Variants in NUDT13 observed in about 807,000 individuals in gnomAD.
NUDT13 encodes the protein NAD(P)H pyrophosphatase NUDT13, mitochondrial.
Under a neutral mutation model 41.7 loss-of-function variants are expected in NUDT13, and 40 were observed. The ratio of observed to expected loss-of-function variants is 0.96; its 90% CI spans 0.75 to 1.25. The LOEUF (loss-of-function observed/expected upper bound fraction) is 1.25. NUDT13 is among the 50% of genes most tolerant of loss of function. The pLI is 0.00. For synonymous variants in NUDT13, 145 were observed against 155.5 expected (o/e 0.93, Z 0.50); for missense variants, 390 against 416.1 (o/e 0.94, Z 0.55).
rs527257812 is a variant in NUDT13, at chr10:73,120,060, A to T, written c.126A>T (p.Lys42Asn). ...ELKEDDDACKKAQQTGAFYLF... is the reference protein window; with the variant it reads ...ELKEDDDACKNAQQTGAFYLF... Reference sequence around the variant, plus strand: ...AGGAAGATGATGATGCATGTAAAAAAGCCCAGCAAACAGGAGCGTTTTACC... The same window carrying T: ...AGGAAGATGATGATGCATGTAAAAATGCCCAGCAAACAGGAGCGTTTTACC... The change falls in exon 3 of 9, where the codon AAA becomes AAT. Residue 42 changes from lysine to asparagine, a missense_variant. By Grantham distance (94) the Lys-to-Asn change is moderately conservative. Coordinates refer to ENST00000357321, the MANE Select transcript of NUDT13 (RefSeq NM_015901.6). The T allele has an allele frequency of 1.9e-6, 3 of 1,614,210 alleles. No individual in the cohort carries two copies. In the African/African-American group the frequency reaches 4.0e-5, roughly 22 times the overall value.
intron 2 of NUDT13, 136 bp from the exon 3 acceptor site, chr10:73,119,882 A>G (rs3750734): frequency 0.11 from 99,960 of 938,646 alleles, 9,017 homozygotes; most frequent in African/African-American, 0.34. Flanking sequence ...CCCTTTTTGG[A>G]GCAAATTAGG....
chr10:73,116,764 A>T (rs1467838162), intron 2 of NUDT13, among the ~76,000 whole-genome samples: 1 of 152,114 alleles, frequency 6.6e-6, no homozygotes, highest in East Asian at 1.9e-4. Context: ...TTAGAAGCAC[A>T]TAAGCATATA....
Position 73,114,349 on chromosome 10 carries a change from T to G in NUDT13, c.-9-8T>G, listed in dbSNP as rs755893690. 3 of 1,455,336 alleles carry G rather than the reference T, an allele frequency of 2.1e-6. No individual in the cohort carries two copies. Among genetic ancestry groups the G allele is most frequent in the Non-Finnish European group, 2.8e-6 (3 of 1,070,358 alleles). 90.2% of individuals were successfully genotyped at this position (1,455,336 alleles called of 1,614,324 possible). A position where few individuals can be genotyped will look rare whatever the true frequency, so the allele number is the denominator to read the frequency against. On this transcript the variant is annotated splice_region_variant and splice_polypyrimidine_tract_variant and intron_variant, in intron 1 of 8. Transcript: ENST00000357321. ...CTTTTTTTAAAACTCCTTTTTTTTTTTTTTAAGGACCTGACAATGTCCCTG... is the reference window on the plus strand; with the variant it reads ...CTTTTTTTAAAACTCCTTTTTTTTTGTTTTAAGGACCTGACAATGTCCCTG...
rs1190476077 is a variant in NUDT13, at chr10:73,131,204, T to G, written c.*301T>G. ...TTGTTCAGTCATTTTCTCTAAGGCC[T>G]TGGAAGCAAACATCTTCTGGCATAT... On this transcript the variant is annotated 3_prime_UTR_variant, in exon 9 of 9. Transcript: ENST00000357321. 2 of 271,968 alleles carry G rather than the reference T, an allele frequency of 7.4e-6. No homozygotes were observed. Among genetic ancestry groups the G allele is most frequent in the East Asian group, 1.4e-4 (2 of 14,098 alleles). 16.8% of individuals were successfully genotyped at this position (271,968 alleles called of 1,614,324 possible).
Position 73,127,617 on chromosome 10 carries a change from T to C in NUDT13, c.858+790T>C, listed in dbSNP as rs998974335. Reference sequence around the variant, plus strand: ...TCCTGGGTTCAAGTGATTCTCCTGCTTCAGCAGAGAAGTATATACCCTTGA... The same window carrying C: ...TCCTGGGTTCAAGTGATTCTCCTGCCTCAGCAGAGAAGTATATACCCTTGA... On this transcript the variant is annotated intron_variant, in intron 8 of 8. Transcript: ENST00000357321. Among the ~76,000 whole-genome samples, 5 of 151,474 alleles carry C rather than the reference T, an allele frequency of 3.3e-5. No individual in the cohort carries two copies. The East Asian group carries it at 9.9e-4, about 30-fold the overall frequency.
chr10:73,130,573 C>T (rs1235780200), intron 8 of NUDT13, 130 bp from the exon 9 acceptor site: 43 of 728,834 alleles, frequency 5.9e-5, no homozygotes, highest in Admixed American at 1.7e-4. Context: ...TGACTTTCAC[C>T]TAACCTGAAG....
At chr10:73,125,654 TA>T in intron 7 of NUDT13, 145 bp downstream of exon 7, 1 of 108,056 alleles carries the variant, frequency 9.3e-6, no homozygotes, top group Non-Finnish European at 1.5e-5. Flanking sequence ...TGGCATTTTA[TA>T]TATATATATA....
At chr10:73,111,891 T>C (rs540661708) in intron 1 of NUDT13, among the ~76,000 whole-genome samples, 2 of 152,334 alleles carry the variant, frequency 1.3e-5, no homozygotes, top group East Asian at 3.9e-4. Flanking sequence ...ATTAGGCTTT[T>C]CTTTTGTCTT....
intron 7 of NUDT13, 72 bp downstream of exon 7, chr10:73,125,581 T>C (rs1842752560): frequency 9.5e-7 from 1 of 1,049,962 alleles, no homozygotes; most frequent in South Asian, 1.5e-5. Flanking sequence ...TTCTCTGTCT[T>C]GTTGCTATAG....
chr10:73,114,547 T>C, intron 2 of NUDT13, 99 bp downstream of exon 2: 1 of 342,034 alleles, frequency 2.9e-6, no homozygotes, highest in Non-Finnish European at 5.2e-6. Flanking sequence ...ATGATTATTA[T>C]ATATACATTA....
chr10:73,124,208 T>C lies in NUDT13; in HGVS notation c.359-6T>C. 2 of 1,591,406 alleles carry C rather than the reference T, an allele frequency of 1.3e-6. No individual in the cohort carries two copies. The highest frequency in any genetic ancestry group is 2.7e-5 in the African/African-American group (2 of 74,678). On this transcript the variant is annotated splice_region_variant and splice_polypyrimidine_tract_variant and intron_variant, in intron 4 of 8. Transcript: ENST00000357321. ...TTTAATTTCATTATCTTTTCTAATT[T>C]TCTAGCCTCCTTACACAAACCTGAA...
At chr10:73,126,502 A>C (rs1842784038) in intron 7 of NUDT13, 171 bp from the exon 8 acceptor site, 2 of 625,128 alleles carry the variant, frequency 3.2e-6, no homozygotes, top group Admixed American at 6.3e-5. Flanking sequence ...GTGGTTCAAC[A>C]CACAGCTCTG....
intron 1 of NUDT13, among the ~76,000 whole-genome samples, chr10:73,111,141 C>A (rs1842356466): frequency 6.6e-6 from 1 of 152,072 alleles, no homozygotes; most frequent in Non-Finnish European, 1.5e-5. Flanking sequence ...CACGCCCAGC[C>A]ACTTTTTTTT....
At chr10:73,120,809 G>A (rs1208726496) in intron 3 of NUDT13, among the ~76,000 whole-genome samples, 1 of 151,980 alleles carries the variant, frequency 6.6e-6, no homozygotes, top group Non-Finnish European at 1.5e-5. Context: ...GTGGTGGCGG[G>A]TGCCTGTAGT....
intron 4 of NUDT13, among the ~76,000 whole-genome samples, chr10:73,122,900 CTTTTTT>C (rs60953028): frequency 8.1e-6 from 1 of 123,030 alleles, no homozygotes. Flanking sequence ...TTGTATATTT[CTTTTTT>C]TTTTTTTTTT....
Position 73,130,882 on chromosome 10 carries a change from C to T in NUDT13, c.1038C>T (p.Thr346=), listed in dbSNP as rs143836891. Residue 346 remains threonine, a synonymous_variant, in exon 9 of 9, where the codon ACC becomes ACT. Transcript: ENST00000357321. ...TTAAGGAGTGGGTGGAAAAACAGAC[C>T]TGTTCTTCCCTGCCTGCTTAGCCCG... ...QLIKEWVEKQ[T]CSSLPA 19 of 1,613,616 alleles carry T rather than the reference C, an allele frequency of 1.2e-5. No homozygotes were observed. The African/African-American group carries it at 1.9e-4, about 16-fold the overall frequency.
At position 73,130,711 on chromosome 10, in the gene NUDT13, G is replaced by A; in HGVS notation, c.867G>A (p.Val289=). The change falls in exon 9 of 9, where the codon GTG becomes GTA. Residue 289 remains valine, a synonymous_variant. Coordinates refer to ENST00000357321, the MANE Select transcript of NUDT13 (RefSeq NM_015901.6). ...TTCCTTATGTCTTTCAGATCCAGGTGAACTTGAGAGAATTAGAGACAGCTG... is the reference window on the plus strand; with the variant it reads ...TTCCTTATGTCTTTCAGATCCAGGTAAACTTGAGAGAATTAGAGACAGCTG... ...TVKPGQTEIQ[V]NLRELETAAW... The A allele has an allele frequency of 6.2e-7, 1 of 1,613,454 alleles. No homozygotes were observed.
At chr10:73,114,272 G>A in intron 1 of NUDT13, 85 bp from the exon 2 acceptor site, 2 of 542,334 alleles carry the variant, frequency 3.7e-6, no homozygotes, top group South Asian at 3.5e-5. Flanking sequence ...TCCCATTCTG[G>A]CTTAAAGTAT....
chr10:73,114,476 T>G, intron 2 of NUDT13, 28 bp downstream of exon 2: 1 of 1,288,826 alleles, frequency 7.8e-7, no homozygotes, highest in Non-Finnish European at 1.1e-6. Context: ...TGAGCTTTGA[T>G]TATTCTGTTT....
Sources: gnomAD v4.1 joint callset for allele counts (sites outside exome capture counted in the v4.1 genomes callset) on GRCh38, gnomAD v4.1.1 for gene constraint, MANE v1.5 for transcripts, NCBI Gene and HGNC (gene_info 2026-07-23, HGNC 2026-07-21) for gene names.